The following CSMD1 variants were observed in gnomAD, a reference collection of about 807,000 sequenced individuals.
CSMD1 encodes CUB and Sushi multiple domains 1.
In CSMD1, 213 loss-of-function variants were observed where a neutral mutation model predicts 417.5. The observed-to-expected ratio is 0.51, with a 90% CI of 0.46 to 0.57. The LOEUF (loss-of-function observed/expected upper bound fraction) is 0.57, where lower values mean the gene tolerates loss of function less well. CSMD1 is among the 20% of genes least tolerant of loss of function. CSMD1 has a pLI of 0.00. For synonymous variants in CSMD1, 2,862 were observed against 1,736.8 expected (o/e 1.65, Z -16.11); for missense variants, 6,923 against 4,529.7 (o/e 1.53, Z -15.17).
At chr8:4,944,056 A>G (rs972223005) in intron 1 of CSMD1, among the ~76,000 whole-genome samples, 1 of 152,204 alleles carries the variant, frequency 6.6e-6, no homozygotes, top group African/African-American at 2.4e-5. Context: ...GAAAGAAGTG[A>G]GGAAGATGTT....
At chr8:4,866,962 T>G (rs1463912688) in intron 1 of CSMD1, among the ~76,000 whole-genome samples, 1 of 152,022 alleles carries the variant, frequency 6.6e-6, no homozygotes, top group Non-Finnish European at 1.5e-5. Flanking sequence ...TATGGAACAA[T>G]CTTAAATACT....
In CSMD1 at chr8:4,077,299, A is replaced by ATATATATATG. The variant is rs1554439885; in HGVS notation, c.416-45201_416-45200insCATATATATA. On this transcript the variant is annotated intron_variant, in intron 3 of 69. Coordinates refer to ENST00000635120, the MANE Select transcript of CSMD1 (RefSeq NM_033225.6). ...GTCACCTATATATATATATATGTGT[A>ATATATATATG]TATATATATATATATATATATATGG... is the stretch of plus-strand genomic sequence containing the variant. 1.6e-3 allele frequency among the ~76,000 whole-genome samples: 106 copies of ATATATATATG among 66,108 alleles called. 1 individual carries two copies. Among genetic ancestry groups the ATATATATATG allele is most frequent in the African/African-American group, 4.3e-3 (104 of 24,106 alleles). 43.4% of individuals were successfully genotyped at this position (66,108 alleles called of 152,430 possible).
intron 2 of CSMD1, among the ~76,000 whole-genome samples, chr8:4,452,440 G>A (rs1225664986): frequency 6.6e-6 from 1 of 152,156 alleles, no homozygotes; most frequent in Non-Finnish European, 1.5e-5. Context: ...TGACAAATAA[G>A]GCATTAATCC....
chr8:4,213,027 T>G (rs1800415442), intron 3 of CSMD1, among the ~76,000 whole-genome samples: 1 of 152,158 alleles, frequency 6.6e-6, no homozygotes, highest in African/African-American at 2.4e-5. Flanking sequence ...TTTTTAAAAC[T>G]GAGTTACTAA....
intron 3 of CSMD1, among the ~76,000 whole-genome samples, chr8:4,083,167 C>A (rs984009471): frequency 6.6e-6 from 1 of 152,070 alleles, no homozygotes; most frequent in Non-Finnish European, 1.5e-5. Flanking sequence ...ATTTCTGGTT[C>A]TAGATCCCTG....
intron 10 of CSMD1, among the ~76,000 whole-genome samples, chr8:3,568,129 TAATTA>T (rs1415957305): frequency 2.6e-5 from 4 of 152,222 alleles, no homozygotes; most frequent in African/African-American, 9.6e-5. Context: ...AACAAACTTA[TAATTA>T]AATACTTGAA....
intron 5 of CSMD1, among the ~76,000 whole-genome samples, chr8:3,960,394 C>G (rs1236186784): frequency 1.3e-5 from 2 of 152,116 alleles, no homozygotes; most frequent in Non-Finnish European, 2.9e-5. Flanking sequence ...TGAATGTCTT[C>G]TATGCACCAG....
At chr8:4,762,832 A>G (rs888641156) in intron 1 of CSMD1, among the ~76,000 whole-genome samples, 1 of 152,246 alleles carries the variant, frequency 6.6e-6, no homozygotes, top group Non-Finnish European at 1.5e-5. Context: ...AACGCGAAGA[A>G]AAGATCTTTC....
chr8:4,421,438 A>T (rs972113713), intron 2 of CSMD1, among the ~76,000 whole-genome samples: 5 of 152,074 alleles, frequency 3.3e-5, no homozygotes, highest in African/African-American at 9.7e-5. Context: ...CGAGGCCATA[A>T]AACAAACCTC....
chr8:3,729,922 TAAAAAAAAAAAAA>T (rs1160679199), intron 6 of CSMD1, among the ~76,000 whole-genome samples: 5 of 47,070 alleles, frequency 1.1e-4, no homozygotes, highest in African/African-American at 4.1e-4. Context: ...CAATTCAAAG[TAAAAAAAAAAAAA>T]AAAAAAAAAA....
chr8:4,062,698 C>G (rs1397201205), intron 3 of CSMD1, among the ~76,000 whole-genome samples: 2 of 151,288 alleles, frequency 1.3e-5, no homozygotes, highest in Non-Finnish European at 2.9e-5. Flanking sequence ...ATGGCAAAGC[C>G]ACACTGTCAT....
intron 12 of CSMD1, among the ~76,000 whole-genome samples, chr8:3,440,177 A>T (rs759258809): frequency 5.9e-5 from 9 of 152,214 alleles, no homozygotes; most frequent in Non-Finnish European, 1.3e-4. Flanking sequence ...AATCTTGTTC[A>T]TATCTACAAA....
At chr8:3,099,185 G>A (rs1220351384) in intron 46 of CSMD1, among the ~76,000 whole-genome samples, 1 of 152,026 alleles carries the variant, frequency 6.6e-6, no homozygotes, top group African/African-American at 2.4e-5. Flanking sequence ...ACTACAATAA[G>A]CAAACCGCAA....
chr8:4,889,550 CTTG>C (rs1420177300), intron 1 of CSMD1, among the ~76,000 whole-genome samples: 1 of 151,784 alleles, frequency 6.6e-6, no homozygotes, highest in Non-Finnish European at 1.5e-5. Flanking sequence ...GACAACAATT[CTTG>C]TTATTTTTAA....
At chr8:3,340,659 T>A (rs957451426) in intron 23 of CSMD1, among the ~76,000 whole-genome samples, 1 of 152,238 alleles carries the variant, frequency 6.6e-6, no homozygotes, top group Non-Finnish European at 1.5e-5. Context: ...TTCAGGTATT[T>A]GATGACCTTG....
At chr8:4,063,899 G>A (rs1350322118) in intron 3 of CSMD1, among the ~76,000 whole-genome samples, 1 of 152,124 alleles carries the variant, frequency 6.6e-6, no homozygotes, top group South Asian at 2.1e-4. Flanking sequence ...ATCAAATCGT[G>A]CACAATGATG....
intron 1 of CSMD1, among the ~76,000 whole-genome samples, chr8:4,973,046 G>T (rs73179211): frequency 6.6e-6 from 1 of 151,990 alleles, no homozygotes; most frequent in South Asian, 2.1e-4. Flanking sequence ...AGTAAAGAAG[G>T]TAAAATAATG....
chr8:3,110,561 C>T (rs1390178042), intron 42 of CSMD1, among the ~76,000 whole-genome samples: 4 of 152,170 alleles, frequency 2.6e-5, no homozygotes, highest in African/African-American at 7.2e-5. Flanking sequence ...AATATATTCT[C>T]CATATCTTCA....
At chr8:3,292,461 T>C (rs1369120242) in intron 25 of CSMD1, among the ~76,000 whole-genome samples, 1 of 152,190 alleles carries the variant, frequency 6.6e-6, no homozygotes, top group African/African-American at 2.4e-5. Context: ...TGTGGGTGTC[T>C]GAGTCTCTTT....
Sources: gnomAD v4.1 joint callset for allele counts (sites outside exome capture counted in the v4.1 genomes callset) on GRCh38, gnomAD v4.1.1 for gene constraint, MANE v1.5 for transcripts, NCBI Gene and HGNC (gene_info 2026-07-23, HGNC 2026-07-21) for gene names.